The following LIMA1 variants were observed in gnomAD, a reference collection of about 807,000 sequenced individuals.
LIMA1 encodes LIM domain and actin-binding protein 1.
LIMA1 carries 52 observed loss-of-function variants against 62.6 expected under a neutral mutation model. The observed-to-expected ratio is 0.83, with a 90% CI of 0.67 to 1.05. The LOEUF is 1.05. Ranked by LOEUF, LIMA1 falls within the 50% of genes least tolerant of loss-of-function variation. The probability of loss-of-function intolerance (pLI) is 0.00; values close to 1 mark genes in which losing one functional copy is unlikely to be tolerated. For synonymous variants in LIMA1, 302 were observed against 317.8 expected, an observed-to-expected ratio of 0.95 and a Z score of 0.53; for missense variants, 780 against 902.2, an observed-to-expected ratio of 0.86 and a Z score of 1.74.
At chr12:50,262,710 C>CT (rs1374581517) in intron 1 of LIMA1, among the ~76,000 whole-genome samples, 1 of 151,682 alleles carries the variant, frequency 6.6e-6, no homozygotes, top group African/African-American at 2.4e-5. Flanking sequence ...GTGATCCTTG[C>CT]TACTTGGCTG....
At position 50,238,836 on chromosome 12, in the gene LIMA1, C is replaced by CGAG. The variant is rs1321111602; in HGVS notation, c.120-7129_120-7127dup. ...CTGCACTCCAGCCTGGGCGACAGAG[C>CGAG]GAGGCTCTGTCTCACGAAGAAAAAA... On this transcript the variant is annotated intron_variant, in intron 2 of 10. Coordinates refer to ENST00000341247, the MANE Select transcript of LIMA1 (RefSeq NM_016357.5). Among the ~76,000 whole-genome samples the CGAG allele has an allele frequency of 2.7e-5, 4 of 147,160 alleles. No homozygotes were observed. In the Admixed American group the frequency reaches 2.7e-4, roughly 10 times the overall value.
At chr12:50,214,051 C>T (rs12367872) in intron 4 of LIMA1, among the ~76,000 whole-genome samples, 23 of 149,852 alleles carry the variant, frequency 1.5e-4, no homozygotes, top group African/African-American at 3.0e-4. Context: ...CACACACACA[C>T]GAGATTACTC....
At chr12:50,193,554 TC>T (rs1211268448) in intron 8 of LIMA1, among the ~76,000 whole-genome samples, 20 of 131,364 alleles carry the variant, frequency 1.5e-4, no homozygotes, top group Non-Finnish European at 2.5e-4. Flanking sequence ...TACATATATA[TC>T]ATATATGTAT....
intron 1 of LIMA1, among the ~76,000 whole-genome samples, chr12:50,250,266 G>A: frequency 7.3e-6 from 1 of 136,138 alleles, no homozygotes; most frequent in African/African-American, 2.8e-5. Context: ...CTCCAGCCCA[G>A]GCAACAAGGA....
At chr12:50,220,560 G>A (rs1565846468) in intron 4 of LIMA1, 1 of 152,184 alleles carries the variant, frequency 6.6e-6, no homozygotes, top group Non-Finnish European at 1.5e-5. Flanking sequence ...CTTTTGCACT[G>A]AATCTACATT....
Position 50,177,985 on chromosome 12 carries a change from A to G in LIMA1, c.1359T>C (p.Asp453=). ...TGTGTGGTCTGTGCCCAAAGCCTTC[A>G]TCATAGTTGCCCTTAGATTTAAAGA... ...NQLFKSKGNY[D]EGFGHRPHKD... The change falls in exon 11 of 11, where the codon GAT becomes GAC. Residue 453 remains aspartate, a synonymous_variant. Coordinates refer to ENST00000341247, the MANE Select transcript of LIMA1 (RefSeq NM_016357.5). 1 of 1,602,888 alleles carries G rather than the reference A, an allele frequency of 6.2e-7. No individual in the cohort carries two copies. Among genetic ancestry groups the G allele is most frequent in the Non-Finnish European group, 8.5e-7 (1 of 1,176,942 alleles).
At chr12:50,180,117 A>G (rs1940461571) in intron 10 of LIMA1, among the ~76,000 whole-genome samples, 2 of 152,056 alleles carry the variant, frequency 1.3e-5, no homozygotes, top group Non-Finnish European at 1.5e-5. Context: ...CGTGGCTAAC[A>G]TGGTGAAACC....
chr12:50,195,995 T>C, intron 7 of LIMA1, 108 bp from the exon 8 acceptor site: 1 of 1,136,564 alleles, frequency 8.8e-7, no homozygotes, highest in Non-Finnish European at 1.2e-6. Flanking sequence ...CTCCAGTCAG[T>C]CACTGGCTGC....
chr12:50,197,522 G>A (rs1940957304), intron 7 of LIMA1, among the ~76,000 whole-genome samples: 1 of 152,146 alleles, frequency 6.6e-6, no homozygotes, highest in Admixed American at 6.6e-5. Context: ...TGCAGCATGT[G>A]CTTGAAGAAT....
At chr12:50,195,696 G>T in intron 8 of LIMA1, 134 bp downstream of exon 8, 3 of 806,124 alleles carry the variant, frequency 3.7e-6, no homozygotes, top group Non-Finnish European at 5.7e-6. Flanking sequence ...GGACATTCAA[G>T]CATTAGCCCT....
Position 50,199,755 on chromosome 12 carries a change from T to G in LIMA1, c.972+1022A>C, listed in dbSNP as rs182616526. ...AAGAGTAAGATTTTCTTGCACAAAA[T>G]GTGTTAAATGTATACTTAAATTAAG... On this transcript the variant is annotated intron_variant, in intron 7 of 10. Transcript: ENST00000341247. Among the ~76,000 whole-genome samples the G allele has an allele frequency of 5.1e-3, 771 of 152,292 alleles. 22 individuals are homozygous for G. Among genetic ancestry groups the G allele is most frequent in the Admixed American group, 0.046 (706 of 15,296 alleles).
chr12:50,177,605 C>G lies in LIMA1; in HGVS notation c.1739G>C (p.Arg580Pro). Residue 580 changes from arginine to proline, a missense_variant, in exon 11 of 11, where the codon CGA becomes CCA. Coordinates refer to ENST00000341247, the MANE Select transcript of LIMA1 (RefSeq NM_016357.5). Reference protein sequence around the residue: ...DVDLDLKKLRRSSSLKERSRP... With the variant: ...DVDLDLKKLRPSSSLKERSRP... ...GCTTCTTTCCTTCAGTGAAGAAGATCGTCTTAGCTTCTTCAGATCTAGATC... is the reference window on the plus strand; with the variant it reads ...GCTTCTTTCCTTCAGTGAAGAAGATGGTCTTAGCTTCTTCAGATCTAGATC... 6.2e-7 allele frequency: 1 copy of G among 1,610,438 alleles called. No homozygotes were observed. Among genetic ancestry groups the G allele is most frequent in the Non-Finnish European group, 8.5e-7 (1 of 1,178,470 alleles).
chr12:50,239,582 G>T (rs138373217), intron 2 of LIMA1, among the ~76,000 whole-genome samples: 289 of 152,298 alleles, frequency 1.9e-3, no homozygotes, highest in African/African-American at 6.6e-3. Flanking sequence ...GGAAGTTGCA[G>T]TGAGCCAAGA....
intron 4 of LIMA1, among the ~76,000 whole-genome samples, chr12:50,207,974 A>G (rs1187006898): frequency 6.6e-6 from 1 of 152,080 alleles, no homozygotes; most frequent in Non-Finnish European, 1.5e-5. Context: ...AACATACCAC[A>G]TCAGAAATCA....
At chr12:50,226,361 C>G (rs557925708) in intron 3 of LIMA1, among the ~76,000 whole-genome samples, 10 of 152,096 alleles carry the variant, frequency 6.6e-5, no homozygotes, top group African/African-American at 2.4e-4. Flanking sequence ...AATACCTATT[C>G]ACGTCCACTT....
intron 1 of LIMA1, among the ~76,000 whole-genome samples, chr12:50,265,663 T>G (rs1942131038): frequency 6.6e-6 from 1 of 152,214 alleles, no homozygotes; most frequent in Admixed American, 6.5e-5. Flanking sequence ...TTTTGAGCAC[T>G]TTGACCAATT....
intron 1 of LIMA1, among the ~76,000 whole-genome samples, chr12:50,269,449 A>C (rs1051122134): frequency 6.6e-6 from 1 of 152,190 alleles, no homozygotes; most frequent in Non-Finnish European, 1.5e-5. Context: ...TCTAGCGTAC[A>C]TGATATTTCA....
At chr12:50,272,232 A>G (rs566697084) in intron 1 of LIMA1, among the ~76,000 whole-genome samples, 1 of 152,178 alleles carries the variant, frequency 6.6e-6, no homozygotes, top group African/African-American at 2.4e-5. Flanking sequence ...AAGCAGGAGA[A>G]TTAAAATGGA....
At chr12:50,221,628 C>T (rs1023493035) in intron 4 of LIMA1, among the ~76,000 whole-genome samples, 6 of 152,140 alleles carry the variant, frequency 3.9e-5, no homozygotes, top group Admixed American at 6.6e-5. Flanking sequence ...TGTTAAACTC[C>T]GGCCTTAACA....
Sources: gnomAD v4.1 joint callset for allele counts (sites outside exome capture counted in the v4.1 genomes callset) on GRCh38, gnomAD v4.1.1 for gene constraint, MANE v1.5 for transcripts, NCBI Gene and HGNC (gene_info 2026-07-23, HGNC 2026-07-21) for gene names.